TTC9: variants seen among roughly 807,000 people sequenced by gnomAD.
TTC9 encodes the protein tetratricopeptide repeat protein 9A.
In TTC9, 13 loss-of-function variants were observed where a neutral mutation model predicts 22.9. The ratio of observed to expected loss-of-function variants is 0.57; its 90% CI spans 0.37 to 0.90. The LOEUF (loss-of-function observed/expected upper bound fraction) is 0.90. Among genes scored for constraint, TTC9 ranks in the 40% least tolerant of loss-of-function variants. The pLI, the probability that TTC9 is intolerant of heterozygous loss-of-function variation, is 0.01. For missense variants in TTC9, 280 were observed against 291.8 expected (o/e 0.96, Z 0.29); for synonymous variants, 148 against 133.2 (o/e 1.11, Z -0.77).
At chr14:70,665,304 G>A (rs1037122198) in intron 1 of TTC9, among the ~76,000 whole-genome samples, 7 of 152,100 alleles carry the variant, frequency 4.6e-5, no homozygotes, top group Non-Finnish European at 8.8e-5. Flanking sequence ...GTCACACACA[G>A]GTAGCAGTCA....
chr14:70,671,216 CAG>C lies in TTC9; in HGVS notation c.*66_*67del. On this transcript the variant is annotated 3_prime_UTR_variant, in exon 3 of 3. Transcript: ENST00000256367. ...CCGGGGACTTCCAGGCATCCCCTGG[CAG>C]AGAGCCCCGTCCTGGATTCTGTCCC... The C allele has an allele frequency of 7.0e-7, 1 of 1,420,374 alleles. No homozygotes were observed. Among genetic ancestry groups the C allele is most frequent in the Non-Finnish European group, 9.9e-7 (1 of 1,012,036 alleles). The allele number at this position is 1,420,374 out of a possible 1,614,324, so 88.0% of individuals were successfully genotyped here. A position where few individuals can be genotyped will look rare whatever the true frequency, so the allele number is the denominator to read the frequency against.
intron 1 of TTC9, among the ~76,000 whole-genome samples, chr14:70,659,946 A>G (rs1483506781): frequency 1.3e-5 from 2 of 152,222 alleles, no homozygotes; most frequent in East Asian, 3.8e-4. Context: ...AAATGGGCAA[A>G]ATACTAGAAG....
At chr14:70,669,786 A>C (rs1311523358) in intron 2 of TTC9, among the ~76,000 whole-genome samples, 1 of 152,166 alleles carries the variant, frequency 6.6e-6, no homozygotes, top group Non-Finnish European at 1.5e-5. Flanking sequence ...AATTTTCTGG[A>C]GCACTGCTAT....
chr14:70,662,413 CAAA>C (rs57369399), intron 1 of TTC9, among the ~76,000 whole-genome samples: 188 of 123,190 alleles, frequency 1.5e-3, no homozygotes, highest in South Asian at 5.0e-3. Context: ...ATCTCTATGC[CAAA>C]AAAAAAAAAA....
At chr14:70,648,269 G>C (rs749089398) in intron 1 of TTC9, among the ~76,000 whole-genome samples, 1 of 152,202 alleles carries the variant, frequency 6.6e-6, no homozygotes, top group African/African-American at 2.4e-5. Context: ...AATGGGGCTT[G>C]TAATACCTTC....
rs960840374 is a variant in TTC9, at chr14:70,671,611, G to C, written c.*456G>C. On this transcript the variant is annotated 3_prime_UTR_variant, in exon 3 of 3. Transcript: ENST00000256367. Reference sequence around the variant, plus strand: ...CTCGAGGCAACTGTTAGAAATCCAGGGACGAGACAAACAGAGAAGCGCTGG... The same window carrying C: ...CTCGAGGCAACTGTTAGAAATCCAGCGACGAGACAAACAGAGAAGCGCTGG... 6.2e-6 allele frequency: 1 copy of C among 161,084 alleles called. No individual in the cohort carries two copies. The highest frequency in any genetic ancestry group is 2.4e-5 in the African/African-American group (1 of 41,594). 10.0% of individuals were successfully genotyped at this position (161,084 alleles called of 1,614,324 possible).
chr14:70,655,425 A>G (rs1886050567), intron 1 of TTC9, among the ~76,000 whole-genome samples: 1 of 151,774 alleles, frequency 6.6e-6, no homozygotes. Flanking sequence ...AAAAACAAAG[A>G]AGAAGGTAAA....
At chr14:70,668,983 C>T (rs1317112275) in intron 2 of TTC9, among the ~76,000 whole-genome samples, 3 of 151,730 alleles carry the variant, frequency 2.0e-5, no homozygotes, top group African/African-American at 4.8e-5. Flanking sequence ...GGTGAAACCC[C>T]GTCTCTACTA....
chr14:70,656,801 G>C (rs1281584322), intron 1 of TTC9, among the ~76,000 whole-genome samples: 1 of 152,170 alleles, frequency 6.6e-6, no homozygotes, highest in East Asian at 1.9e-4. Flanking sequence ...ATTCCAAATG[G>C]CCAATCTGGC....
At chr14:70,642,569 CCGTTCTTCGG>C (rs1566693250) in intron 1 of TTC9, 34 bp downstream of exon 1, 35 of 1,514,664 alleles carry the variant, frequency 2.3e-5, no homozygotes, top group Non-Finnish European at 2.6e-5. Flanking sequence ...GCCGCGGTCC[CCGTTCTTCGG>C]CCCGGTCCCT....
At chr14:70,658,098 C>A (rs894304479) in intron 1 of TTC9, among the ~76,000 whole-genome samples, 1 of 152,202 alleles carries the variant, frequency 6.6e-6, no homozygotes, top group Non-Finnish European at 1.5e-5. Flanking sequence ...TTACCACCAG[C>A]TCTGTTGGAT....
rs149901731 is a variant in TTC9 at position 70,671,296 on chromosome 14, CTT to C, written c.*143_*144del. 10,599 of 659,916 alleles carry C rather than the reference CTT, an allele frequency of 0.016. 112 individuals carry two copies. The highest frequency in any genetic ancestry group is 0.031 in the Middle Eastern group (73 of 2,338). The allele number at this position is 659,916 out of a possible 1,614,324, so 40.9% of individuals were successfully genotyped here. A position where few individuals can be genotyped will look rare whatever the true frequency, so the allele number is the denominator to read the frequency against. ...TTTTTCCTCCTGTTGCACCCCAGCT[CTT>C]TGTCTCCTCCCAGTACGAAAAGGAG... On this transcript the variant is annotated 3_prime_UTR_variant, in exon 3 of 3. Coordinates refer to ENST00000256367, the MANE Select transcript of TTC9 (RefSeq NM_015351.2).
At chr14:70,669,949 C>T (rs1886269145) in intron 2 of TTC9, among the ~76,000 whole-genome samples, 1 of 152,174 alleles carries the variant, frequency 6.6e-6, no homozygotes, top group Admixed American at 6.5e-5. Context: ...ATGCCATCCT[C>T]ACTAATAACA....
At chr14:70,652,635 A>G (rs970299515) in intron 1 of TTC9, among the ~76,000 whole-genome samples, 10 of 152,268 alleles carry the variant, frequency 6.6e-5, no homozygotes, top group Admixed American at 2.0e-4. Context: ...GTTTGAGAGA[A>G]CAGTTGCTGG....
At chr14:70,665,661 C>T (rs537977139) in intron 1 of TTC9, among the ~76,000 whole-genome samples, 3 of 152,202 alleles carry the variant, frequency 2.0e-5, no homozygotes, top group Non-Finnish European at 4.4e-5. Flanking sequence ...TCCTGGTTCT[C>T]ATACCTTCAT....
intron 1 of TTC9, among the ~76,000 whole-genome samples, chr14:70,654,420 G>A (rs563422458): frequency 2.0e-5 from 3 of 151,702 alleles, no homozygotes; most frequent in Non-Finnish European, 4.4e-5. Context: ...GTGAAACCCT[G>A]TCTCTACTAA....
chr14:70,642,599 A>G, intron 1 of TTC9, 64 bp downstream of exon 1: 2 of 1,425,054 alleles, frequency 1.4e-6, no homozygotes, highest in African/African-American at 1.5e-5. Context: ...TCCGCGGACC[A>G]CTGCGGCGCT....
At position 70,642,413 on chromosome 14, in the gene TTC9, G is replaced by C. The variant is rs750968995; in HGVS notation, c.284G>C (p.Gly95Ala). ...CTGAAGGGGCTGCTGCCGCCCCCCG[G>C]GGAACGGGAGCGGGACTCGCGCCCG... is the stretch of plus-strand genomic sequence containing the variant. The part of the protein sequence containing the change: ...LELKGLLPPP[G>A]ERERDSRPAS... The change falls in exon 1 of 3, where the codon GGG (glycine) becomes GCG (alanine). Residue 95 changes from glycine (G) to alanine (A), a missense_variant. Coordinates refer to ENST00000256367, the MANE Select transcript of TTC9 (RefSeq NM_015351.2). 2.8e-5 allele frequency: 44 copies of C among 1,595,520 alleles called. No homozygotes were observed. In the East Asian group the frequency reaches 9.4e-4, roughly 34 times the overall value.
At chr14:70,659,510 G>T (rs1023652614) in intron 1 of TTC9, among the ~76,000 whole-genome samples, 1 of 152,132 alleles carries the variant, frequency 6.6e-6, no homozygotes. Context: ...GGTGGTTTTA[G>T]AACTTAGGAA....
Sources: gnomAD v4.1 joint callset for allele counts (sites outside exome capture counted in the v4.1 genomes callset) on GRCh38, gnomAD v4.1.1 for gene constraint, MANE v1.5 for transcripts, NCBI Gene and HGNC (gene_info 2026-07-23, HGNC 2026-07-21) for gene names.